The following RUFY2 variants were observed in gnomAD, a reference collection of about 807,000 sequenced individuals.
RUFY2 encodes the protein RUN and FYVE domain-containing protein 2.
Under a neutral mutation model 94.4 loss-of-function variants are expected in RUFY2, and 49 were observed. The observed-to-expected ratio is 0.52, with a 90% CI of 0.41 to 0.66. The LOEUF (loss-of-function observed/expected upper bound fraction) is 0.66. Among genes scored for constraint, RUFY2 ranks in the 30% least tolerant of loss-of-function variants. The pLI is 0.00. For missense variants in RUFY2, 541 were observed against 692.8 expected (o/e 0.78, Z 2.46); for synonymous variants, 255 against 235.7 (o/e 1.08, Z -0.75).
chr10:68,365,771 T>C (rs76356711), intron 13 of RUFY2, among the ~76,000 whole-genome samples: 1 of 151,804 alleles, frequency 6.6e-6, no homozygotes, highest in Non-Finnish European at 1.5e-5. Flanking sequence ...TCATTTAGCA[T>C]CATTTCACTC....
intron 15 of RUFY2, among the ~76,000 whole-genome samples, chr10:68,362,185 G>C (rs1305726992): frequency 6.6e-6 from 1 of 151,956 alleles, no homozygotes; most frequent in Non-Finnish European, 1.5e-5. Context: ...AAATTAGCCA[G>C]GTATGGTGGT....
chr10:68,381,537 A>T, intron 10 of RUFY2, 138 bp from the exon 11 acceptor site: 1 of 728,182 alleles, frequency 1.4e-6, no homozygotes, highest in Non-Finnish European at 2.2e-6. Flanking sequence ...GCCCTATAAC[A>T]AGGCAATAAA....
chr10:68,365,325 C>T (rs1350863292), intron 13 of RUFY2, among the ~76,000 whole-genome samples: 4 of 152,220 alleles, frequency 2.6e-5, no homozygotes, highest in Non-Finnish European at 5.9e-5. Flanking sequence ...ACTAGCACCA[C>T]TGTCTGTGTG....
intron 2 of RUFY2, among the ~76,000 whole-genome samples, 161 bp from the exon 3 acceptor site, chr10:68,401,898 A>G (rs552118575): frequency 3.3e-5 from 5 of 152,300 alleles, no homozygotes; most frequent in South Asian, 4.1e-4. Flanking sequence ...AGCCTGTGCC[A>G]GTAGGATCCT....
chr10:68,390,862 G>C (rs1435598087), intron 7 of RUFY2, among the ~76,000 whole-genome samples: 2 of 151,858 alleles, frequency 1.3e-5, no homozygotes, highest in African/African-American at 4.8e-5. Flanking sequence ...GAAGTCCTGG[G>C]CTCAAGAGAT....
Position 68,363,595 on chromosome 10 carries a change from AAGCTTG to A in RUFY2, c.1539_1544del (p.Lys514_Leu515del). 6.3e-7 allele frequency: 1 copy of A among 1,589,712 alleles called. No individual in the cohort carries two copies. The highest frequency in any genetic ancestry group is 1.2e-5 in the South Asian group (1 of 86,204). ...TGAAGGAAAAAAGAAATTACTCGCT[AAGCTTG>A]TTGCCGAGTTCTTGAAGAGCTTGCT... is the stretch of plus-strand genomic sequence containing the variant. On this transcript the variant is annotated inframe_deletion, in exon 15 of 18. Transcript: ENST00000602465.
chr10:68,397,004 T>C (rs979860792), intron 3 of RUFY2, 123 bp from the exon 4 acceptor site: 1 of 624,006 alleles, frequency 1.6e-6, no homozygotes, highest in Non-Finnish European at 2.8e-6. Context: ...TTCATTTTTA[T>C]AGGTTTATCT....
intron 11 of RUFY2, 119 bp from the exon 12 acceptor site, chr10:68,379,640 C>A (rs752000269): frequency 8.0e-6 from 5 of 628,618 alleles, no homozygotes; most frequent in Non-Finnish European, 1.3e-5. Flanking sequence ...TGGATTTGAA[C>A]TTCTGGGCTC....
At chr10:68,369,543 T>A (rs190320498) in intron 13 of RUFY2, among the ~76,000 whole-genome samples, 1 of 150,624 alleles carries the variant, frequency 6.6e-6, no homozygotes, top group Non-Finnish European at 1.5e-5. Flanking sequence ...TAAGAGGTAA[T>A]TGGCTTATGA....
At chr10:68,402,256 C>A (rs570728484) in intron 2 of RUFY2, among the ~76,000 whole-genome samples, 6 of 152,034 alleles carry the variant, frequency 3.9e-5, no homozygotes, top group Non-Finnish European at 2.9e-5. Context: ...AACCACCACG[C>A]CCAGCCTAAG....
chr10:68,372,763 G>T (rs1257423232), intron 13 of RUFY2, among the ~76,000 whole-genome samples: 1 of 151,864 alleles, frequency 6.6e-6, no homozygotes, highest in Non-Finnish European at 1.5e-5. Flanking sequence ...ACAAAAATTA[G>T]CCAGGTATGG....
chr10:68,406,315 GAAAAATGTCCACACACGAATTCCTTCAAA>G (rs113131963), intron 1 of RUFY2, among the ~76,000 whole-genome samples: 7,495 of 152,202 alleles, frequency 0.049, 359 homozygotes, highest in East Asian at 0.25. Flanking sequence ...CTGCCTGGTG[GAAAAATGTCCACACACGAATTCCTTCAAA>G]TCTGCATCGT....
At chr10:68,352,919 C>CA (rs964749208) in intron 16 of RUFY2, among the ~76,000 whole-genome samples, 82 of 140,222 alleles carry the variant, frequency 5.8e-4, no homozygotes, top group African/African-American at 1.4e-3. Flanking sequence ...GACTCCATCT[C>CA]AAAAAAAAAA....
rs754795570 is a variant in RUFY2, at chr10:68,379,461, T to C, written c.1168A>G (p.Asn390Asp). The C allele has an allele frequency of 5.0e-6, 8 of 1,613,176 alleles. No individual in the cohort carries two copies. The South Asian group carries it at 8.8e-5, about 18-fold the overall frequency. The stretch of plus-strand genomic sequence containing the variant: ...TGCCTCATGGCTGCAGTAATTTTAT[T>C]GGTTTTTTCTTCTAGTCGGGCAATT... ...EIIARLEEKTNKITAAMRQLE... is the reference protein window; with the variant it reads ...EIIARLEEKTDKITAAMRQLE... Residue 390 changes from asparagine to aspartate, a missense_variant, in exon 12 of 18, where the codon AAT (asparagine) becomes GAT (aspartate). Asn to Asp is a conservative substitution (Grantham distance 23). Transcript: ENST00000602465.
intron 16 of RUFY2, among the ~76,000 whole-genome samples, chr10:68,350,559 A>G (rs536972207): frequency 1.3e-5 from 2 of 152,354 alleles, no homozygotes; most frequent in Non-Finnish European, 2.9e-5. Flanking sequence ...GATGTGAGTA[A>G]TAAGTATAAA....
intron 13 of RUFY2, among the ~76,000 whole-genome samples, chr10:68,367,970 T>C (rs1416100197): frequency 6.7e-6 from 1 of 149,752 alleles, no homozygotes; most frequent in Non-Finnish European, 1.5e-5. Flanking sequence ...GGGTTGTCTT[T>C]TTTTTTTTTT....
intron 13 of RUFY2, among the ~76,000 whole-genome samples, chr10:68,367,786 G>C (rs1397703555): frequency 1.6e-5 from 2 of 127,926 alleles, no homozygotes; most frequent in South Asian, 2.8e-4. Context: ...TTTTTGTAGA[G>C]ACAGGGTCTC....
intron 13 of RUFY2, among the ~76,000 whole-genome samples, chr10:68,365,750 T>A (rs138202885): frequency 6.6e-6 from 1 of 152,302 alleles, no homozygotes; most frequent in East Asian, 1.9e-4. Context: ...TAGCCTATGA[T>A]AAAACTGGTT....
At chr10:68,381,497 C>T in intron 10 of RUFY2, 98 bp from the exon 11 acceptor site, 3 of 1,106,024 alleles carry the variant, frequency 2.7e-6, no homozygotes, top group South Asian at 3.1e-5. Flanking sequence ...CAGACTACAC[C>T]TTTTAAGTCC....
Sources: gnomAD v4.1 joint callset for allele counts (sites outside exome capture counted in the v4.1 genomes callset) on GRCh38, gnomAD v4.1.1 for gene constraint, MANE v1.5 for transcripts, NCBI Gene and HGNC (gene_info 2026-07-23, HGNC 2026-07-21) for gene names.